The following CASZ1 variants were observed in gnomAD, a reference collection of about 807,000 sequenced individuals.
The protein encoded by CASZ1 is zinc finger protein castor homolog 1.
In CASZ1, 28 loss-of-function variants were observed where a neutral mutation model predicts 135.2. That is an observed-to-expected ratio of 0.21 (90% confidence interval 0.15 to 0.28). CASZ1 has a LOEUF of 0.28. Among genes scored for constraint, CASZ1 ranks in the 10% least tolerant of loss-of-function variants. The pLI, the probability that CASZ1 is intolerant of heterozygous loss-of-function variation, is 1.00. For synonymous variants in CASZ1, 1,068 were observed against 1,073.4 expected (o/e 0.99, Z 0.10); for missense variants, 2,161 against 2,453.3 (o/e 0.88, Z 2.52).
chr1:10,722,893 C>A (rs1188118083), intron 2 of CASZ1, among the ~76,000 whole-genome samples: 1 of 152,266 alleles, frequency 6.6e-6, no homozygotes, highest in Non-Finnish European at 1.5e-5. Context: ...GAAACAGGCC[C>A]AACAGGATGC....
intron 3 of CASZ1, among the ~76,000 whole-genome samples, chr1:10,702,424 C>T (rs1204341886): frequency 6.6e-6 from 1 of 152,214 alleles, no homozygotes; most frequent in Non-Finnish European, 1.5e-5. Flanking sequence ...TCCCCAAAGC[C>T]TCCTGGGCTA....
At chr1:10,792,526 A>T (rs1361187365) in intron 1 of CASZ1, among the ~76,000 whole-genome samples, 1 of 152,074 alleles carries the variant, frequency 6.6e-6, no homozygotes, top group African/African-American at 2.4e-5. Flanking sequence ...GGTTCTACCT[A>T]CAACTTAGTC....
In CASZ1 at chr1:10,721,176, A is replaced by T. The variant is rs1639489927; in HGVS notation, c.-76-15632T>A. 6.6e-6 allele frequency among the ~76,000 whole-genome samples: 1 copy of T among 152,022 alleles called. No homozygotes were observed. The highest frequency in any genetic ancestry group is 2.1e-4 in the South Asian group (1 of 4,822). On this transcript the variant is annotated intron_variant, in intron 2 of 20. Transcript: ENST00000377022. This position sits in a 1 kb window ranked among gnomAD's most constrained non-coding sequence, Gnocchi z 5.4. Reference sequence around the variant, plus strand: ...ATTATCTTTCTGGCCAAGCTTGGCCACCAACTCCAGACTGCACAGGGTTAA... The same window carrying T: ...ATTATCTTTCTGGCCAAGCTTGGCCTCCAACTCCAGACTGCACAGGGTTAA...
Position 10,642,996 on chromosome 1 carries a change from G to A in CASZ1, c.4025C>T (p.Pro1342Leu), listed in dbSNP as rs1488276544. The change falls in exon 20 of 21, where the codon CCC becomes CTC. Residue 1342 changes from proline (P) to leucine (L), a missense_variant. This residue lies in a region of CASZ1 where 349 missense variants were observed against 460.8 expected (regional missense o/e 0.76). Transcript: ENST00000377022. Reference sequence around the variant, plus strand: ...TGTCTCAGCATCCATCAGGCCTGGGGGGCCCTGAAAGGACACGGGGGTCCC... The same window carrying A: ...TGTCTCAGCATCCATCAGGCCTGGGAGGCCCTGAAAGGACACGGGGGTCCC... ...NFDRVPPSQG[P>L]PGLMDAETDE... The A allele has an allele frequency of 4.3e-6, 7 of 1,612,334 alleles. No homozygotes were observed. The highest frequency in any genetic ancestry group is 4.2e-6 in the Non-Finnish European group (5 of 1,179,550).
At position 10,648,022 on chromosome 1, in the gene CASZ1, G is replaced by A; in HGVS notation, c.3276C>T (p.Val1092=). ...CCAGAGAGGACACCGTGGCCGTGGT[G>A]ACAGGAGGGACCGGAGGGGACGAGG... ...MAPSSPPVPP[V]TTATVSSLEG... Residue 1092 remains valine, a synonymous_variant, in exon 16 of 21, where the codon GTC becomes GTT. Coordinates refer to ENST00000377022, the MANE Select transcript of CASZ1 (RefSeq NM_001079843.3). The A allele has an allele frequency of 6.2e-7, 1 of 1,601,832 alleles. No individual in the cohort carries two copies.
In CASZ1 at chr1:10,665,066, G is replaced by A. The variant is rs370651839; in HGVS notation, c.505+17C>T. ...CTGTCCTGGCCTTCAGCCTCCCTTC[G>A]AAGGCCAGGCACCCACCTGAAGCCT... is the stretch of plus-strand genomic sequence containing the variant. On this transcript the variant is annotated intron_variant, in intron 5 of 20. Transcript: ENST00000377022. 6.0e-6 allele frequency: 9 copies of A among 1,494,310 alleles called. No homozygotes were observed. The highest frequency in any genetic ancestry group is 2.1e-4 in the Middle Eastern group (1 of 4,792). 92.6% of individuals were successfully genotyped at this position (1,494,310 alleles called of 1,614,324 possible).
rs1325725630 is a variant in CASZ1 at position 10,649,113 on chromosome 1, C to T, written c.3115G>A (p.Gly1039Ser). The change falls in exon 15 of 21, where the codon GGC (glycine) becomes AGC (serine). Residue 1039 changes from glycine to serine, a missense_variant. By Grantham distance (56) the Gly-to-Ser change is moderately conservative. Around this residue, in one of 7 missense-constraint regions of CASZ1, gnomAD observed 349 missense variants for 460.8 expected, o/e 0.76. Coordinates refer to ENST00000377022, the MANE Select transcript of CASZ1 (RefSeq NM_001079843.3). ...CCGTCCAAGGTGCTGAAGAGCGCGC[C>T]GCATTCCTCCACCACGCAGTGGAAG... ...AHFHCVVEEC[G>S]ALFSTLDGAI... 6 of 1,613,552 alleles carry T rather than the reference C, an allele frequency of 3.7e-6. No homozygotes were observed. The highest frequency in any genetic ancestry group is 1.7e-5 in the Admixed American group (1 of 60,006).
Position 10,639,115 on chromosome 1 carries a change from C to T in CASZ1, c.5107G>A (p.Asp1703Asn), listed in dbSNP as rs1222889648. The T allele has an allele frequency of 1.7e-6, 2 of 1,159,984 alleles. No homozygotes were observed. 71.9% of individuals were successfully genotyped at this position (1,159,984 alleles called of 1,614,324 possible). A position where few individuals can be genotyped will look rare whatever the true frequency, so the allele number is the denominator to read the frequency against. The change falls in exon 21 of 21, where the codon GAC (aspartate) becomes AAC (asparagine). Residue 1703 changes from aspartate (D) to asparagine (N), a missense_variant. By Grantham distance (23) the Asp-to-Asn change is conservative. Transcript: ENST00000377022. This position sits in a 1 kb window ranked among gnomAD's most constrained non-coding sequence, Gnocchi z 4.0. ...TCGTCGTCCTCGTCGTCGTCCTCGT[C>T]GTCGTCGTCCTCGTCGTCGTCCTCG... Reference protein sequence around the residue: ...EDEDDDEDDDDEDDDEDDDDE... With the variant: ...EDEDDDEDDDNEDDDEDDDDE...
chr1:10,754,042 G>A (rs1229731324), intron 2 of CASZ1, among the ~76,000 whole-genome samples: 4 of 151,792 alleles, frequency 2.6e-5, no homozygotes, highest in Non-Finnish European at 4.4e-5. Context: ...TCTCCAACAC[G>A]CCTCTGGGAT....
intron 4 of CASZ1, among the ~76,000 whole-genome samples, chr1:10,670,037 G>A (rs1017813703): frequency 6.6e-5 from 10 of 152,216 alleles, no homozygotes; most frequent in Admixed American, 2.6e-4. Flanking sequence ...CCTAATGCCC[G>A]CTGTATATCA....
chr1:10,774,353 GCCCTGGCCTT>G lies in CASZ1; in HGVS notation c.-233-13506_-233-13497del, dbSNP rs1640626245. Among the ~76,000 whole-genome samples the G allele has an allele frequency of 6.6e-6, 1 of 152,092 alleles. No individual in the cohort carries two copies. The highest frequency in any genetic ancestry group is 1.5e-5 in the Non-Finnish European group (1 of 68,020). ...CTTTCGGCAGCACACTGTCAAATCT[GCCCTGGCCTT>G]GGCCAGGGCCAAGTTCAGGGCCTCC... is the stretch of plus-strand genomic sequence containing the variant. On this transcript the variant is annotated intron_variant, in intron 1 of 20. Coordinates refer to ENST00000377022, the MANE Select transcript of CASZ1 (RefSeq NM_001079843.3). This position sits in a 1 kb window ranked among gnomAD's most constrained non-coding sequence, Gnocchi z 4.4.
intron 4 of CASZ1, among the ~76,000 whole-genome samples, chr1:10,687,434 C>A (rs1470344247): frequency 6.6e-6 from 1 of 152,250 alleles, no homozygotes; most frequent in Non-Finnish European, 1.5e-5. Context: ...ACCCCAGAGT[C>A]AGGCCTGTGG....
At chr1:10,673,809 G>A (rs1444910716) in intron 4 of CASZ1, among the ~76,000 whole-genome samples, 3 of 152,172 alleles carry the variant, frequency 2.0e-5, no homozygotes, top group Non-Finnish European at 2.9e-5. Flanking sequence ...TCCGTGGGCA[G>A]GAGAGCCCAG....
At position 10,725,924 on chromosome 1, in the gene CASZ1, C is replaced by G. The variant is rs895649442; in HGVS notation, c.-76-20380G>C. Reference sequence around the variant, plus strand: ...GGCCGGACTTAGGAGGGGGCAGCATCCTCAGGATCCCTTAGTAGCAAGAGC... The same window carrying G: ...GGCCGGACTTAGGAGGGGGCAGCATGCTCAGGATCCCTTAGTAGCAAGAGC... On this transcript the variant is annotated intron_variant, in intron 2 of 20. Transcript: ENST00000377022. The surrounding 1 kb of genome is among the most constrained non-coding windows in gnomAD (Gnocchi z 4.4). Among the ~76,000 whole-genome samples, 3 of 152,100 alleles carry G rather than the reference C, an allele frequency of 2.0e-5. No homozygotes were observed. The highest frequency in any genetic ancestry group is 4.4e-5 in the Non-Finnish European group (3 of 68,016).
In CASZ1 at chr1:10,650,824, T is replaced by C. The variant is rs1277780349; in HGVS notation, c.2817-69A>G. On this transcript the variant is annotated intron_variant, in intron 12 of 20. Coordinates refer to ENST00000377022, the MANE Select transcript of CASZ1 (RefSeq NM_001079843.3). ...CCTGGGCCCTGGGGCTCACCTTCCC[T>C]GCCCGACCCTGGGGCTCCAGCCGAG... The C allele has an allele frequency of 7.5e-6, 12 of 1,599,830 alleles. No individual in the cohort carries two copies. The African/African-American group carries it at 1.6e-4, about 21-fold the overall frequency.
chr1:10,766,950 G>T (rs1438952969), intron 1 of CASZ1, among the ~76,000 whole-genome samples: 2 of 152,170 alleles, frequency 1.3e-5, no homozygotes, highest in Admixed American at 1.3e-4. Context: ...TGCTTAGTAA[G>T]GTGGGTGGGG....
Position 10,648,064 on chromosome 1 carries a change from G to A in CASZ1, c.3234C>T (p.Thr1078=). Residue 1078 remains threonine (T), a synonymous_variant, in exon 16 of 21, where the codon ACC becomes ACT. Coordinates refer to ENST00000377022, the MANE Select transcript of CASZ1 (RefSeq NM_001079843.3). ...GGGACGAGGGGGCCATGGGAGGTTT[G>A]GTCTCGGCGGCCGAGGCCGGAAAGG... ...EAAFPASAAE[T]KPPMAPSSPP... The A allele has an allele frequency of 7.5e-6, 12 of 1,594,038 alleles. No homozygotes were observed. Among genetic ancestry groups the A allele is most frequent in the Non-Finnish European group, 1.0e-5 (12 of 1,170,746 alleles).
At chr1:10,687,311 GCAGTGCCC>G (rs1638626689) in intron 4 of CASZ1, among the ~76,000 whole-genome samples, 1 of 152,220 alleles carries the variant, frequency 6.6e-6, no homozygotes, top group African/African-American at 2.4e-5. Flanking sequence ...CCAAAGCCAG[GCAGTGCCC>G]CAGCCTCAGC....
In CASZ1 at chr1:10,654,126, C is replaced by A. The variant is rs1489936756; in HGVS notation, c.1931G>T (p.Gly644Val). 6.2e-7 allele frequency: 1 copy of A among 1,614,244 alleles called. No homozygotes were observed. Among genetic ancestry groups the A allele is most frequent in the Admixed American group, 1.7e-5 (1 of 60,034 alleles). Reference sequence around the variant, plus strand: ...CTCGTACTTGTAGAACTTCTTGAAGCCGTCCTTGGCGTAGGCATCGTCCTT... The same window carrying A: ...CTCGTACTTGTAGAACTTCTTGAAGACGTCCTTGGCGTAGGCATCGTCCTT... ...HIKDDAYAKD[G>V]FKKFYKYEEC... Residue 644 changes from glycine (G) to valine (V), a missense_variant, in exon 11 of 21, where the codon GGC (glycine) becomes GTC (valine). By Grantham distance (109) the Gly-to-Val change is moderately radical. Around this residue, in one of 7 missense-constraint regions of CASZ1, gnomAD observed 248 missense variants for 410.8 expected, o/e 0.60. Transcript: ENST00000377022.
Sources: gnomAD v4.1 joint callset for allele counts (sites outside exome capture counted in the v4.1 genomes callset) on GRCh38, gnomAD v4.1.1 for gene constraint, gnomAD v4.1.1 regional missense constraint, Gnocchi (gnomAD v3.1) non-coding constraint, MANE v1.5 for transcripts, NCBI Gene and HGNC (gene_info 2026-07-23, HGNC 2026-07-21) for gene names.